The following ADGRB3 variants were observed in gnomAD, a reference collection of about 807,000 sequenced individuals.
ADGRB3 encodes the protein brain-specific angiogenesis inhibitor 3.
In ADGRB3, 37 loss-of-function variants were observed where a neutral mutation model predicts 193.4. The ratio of observed to expected loss-of-function variants is 0.19; its 90% CI spans 0.15 to 0.25. The LOEUF (loss-of-function observed/expected upper bound fraction) is 0.25. ADGRB3 is among the 10% of genes least tolerant of loss of function. The pLI, the probability that ADGRB3 is intolerant of heterozygous loss-of-function variation, is 1.00. For missense variants in ADGRB3, 1,637 were observed against 1,852.9 expected (o/e 0.88, Z 2.14); for synonymous variants, 690 against 644.2 (o/e 1.07, Z -1.08).
chr6:69,066,374 G>GA (rs899942685), intron 16 of ADGRB3, among the ~76,000 whole-genome samples: 82 of 143,770 alleles, frequency 5.7e-4, no homozygotes, highest in African/African-American at 1.4e-3. Flanking sequence ...AATGCCATGT[G>GA]AAAAAAAAAA....
intron 3 of ADGRB3, among the ~76,000 whole-genome samples, chr6:68,874,291 A>G (rs1249586048): frequency 3.9e-5 from 6 of 152,140 alleles, no homozygotes; most frequent in Non-Finnish European, 8.8e-5. Flanking sequence ...ATAACATGTT[A>G]TGACCTTATA....
intron 3 of ADGRB3, among the ~76,000 whole-genome samples, chr6:68,648,160 A>C (rs1252442490): frequency 6.6e-6 from 1 of 152,160 alleles, no homozygotes; most frequent in Non-Finnish European, 1.5e-5. Flanking sequence ...TGTGTATGGA[A>C]AATTCAATAA....
rs1582614335 is a variant in ADGRB3, at chr6:69,297,464, GTATCA to G, written c.2815-27407_2815-27403del. On this transcript the variant is annotated intron_variant, in intron 20 of 31. Coordinates refer to ENST00000370598, the MANE Select transcript of ADGRB3 (RefSeq NM_001704.3). ...GCCTTTTGATGTTAAGCTACTAAAA[GTATCA>G]CATTTCTATCATTGAGCTATGAGGG... 2.7e-5 allele frequency among the ~76,000 whole-genome samples: 4 copies of G among 145,702 alleles called. No homozygotes were observed. The East Asian group carries it at 8.2e-4, about 30-fold the overall frequency.
intron 3 of ADGRB3, among the ~76,000 whole-genome samples, chr6:68,688,263 G>T (rs1765016344): frequency 6.6e-6 from 1 of 152,168 alleles, no homozygotes; most frequent in African/African-American, 2.4e-5. Flanking sequence ...TTAGCATGCA[G>T]GTGACTTGGT....
intron 28 of ADGRB3, among the ~76,000 whole-genome samples, chr6:69,359,362 A>G (rs1769398826): frequency 6.6e-6 from 1 of 151,620 alleles, no homozygotes; most frequent in East Asian, 1.9e-4. Context: ...ACTTTTGGAA[A>G]TAACTTTTTA....
chr6:68,795,523 A>G (rs998815218), intron 3 of ADGRB3, among the ~76,000 whole-genome samples: 2 of 152,142 alleles, frequency 1.3e-5, no homozygotes, highest in African/African-American at 4.8e-5. Flanking sequence ...GTGTACAGTG[A>G]TAAAAATGCA....
At chr6:68,678,783 A>G (rs1355032073) in intron 3 of ADGRB3, among the ~76,000 whole-genome samples, 1 of 152,176 alleles carries the variant, frequency 6.6e-6, no homozygotes, top group East Asian at 1.9e-4. Context: ...TATTGTTATA[A>G]AAATAATAAC....
intron 17 of ADGRB3, among the ~76,000 whole-genome samples, chr6:69,191,704 C>CT (rs1481218697): frequency 6.6e-6 from 1 of 152,098 alleles, no homozygotes; most frequent in Non-Finnish European, 1.5e-5. Context: ...TGCTATATGC[C>CT]TGTCAGTTTT....
chr6:69,283,841 T>C (rs1767491248), intron 20 of ADGRB3, among the ~76,000 whole-genome samples: 1 of 152,190 alleles, frequency 6.6e-6, no homozygotes, highest in Non-Finnish European at 1.5e-5. Flanking sequence ...ACTGTGATGC[T>C]AACAGAACAA....
chr6:68,967,039 T>C (rs746371926), intron 8 of ADGRB3, among the ~76,000 whole-genome samples: 1 of 152,222 alleles, frequency 6.6e-6, no homozygotes, highest in Non-Finnish European at 1.5e-5. Context: ...TTAAAGCAGC[T>C]GTACCGTTTG....
At chr6:68,704,342 C>A (rs557109587) in intron 3 of ADGRB3, among the ~76,000 whole-genome samples, 5 of 152,282 alleles carry the variant, frequency 3.3e-5, no homozygotes, top group Non-Finnish European at 7.4e-5. Context: ...CTCAAGTGAG[C>A]TTTCAAGAGT....
At chr6:68,802,890 A>T (rs765666064) in intron 3 of ADGRB3, among the ~76,000 whole-genome samples, 1 of 152,174 alleles carries the variant, frequency 6.6e-6, no homozygotes, top group Non-Finnish European at 1.5e-5. Flanking sequence ...GTTATTAACA[A>T]CATTCTATTT....
intron 20 of ADGRB3, among the ~76,000 whole-genome samples, chr6:69,240,433 TAAAG>T (rs1561963258): frequency 6.6e-6 from 1 of 151,938 alleles, no homozygotes; most frequent in African/African-American, 2.4e-5. Flanking sequence ...CTTTTCTTCT[TAAAG>T]AAAGAATCCG....
intron 21 of ADGRB3, among the ~76,000 whole-genome samples, chr6:69,326,989 C>T (rs1001389184): frequency 6.6e-6 from 1 of 151,878 alleles, no homozygotes; most frequent in Admixed American, 6.6e-5. Context: ...AATGTGATGC[C>T]ACTAGAGAAG....
chr6:69,142,156 A>G (rs1774360151), intron 17 of ADGRB3, among the ~76,000 whole-genome samples: 1 of 152,192 alleles, frequency 6.6e-6, no homozygotes, highest in Non-Finnish European at 1.5e-5. Context: ...TATGTTCCAC[A>G]GGAAGATTTC....
chr6:68,785,960 G>C (rs899711850), intron 3 of ADGRB3, among the ~76,000 whole-genome samples: 2 of 152,046 alleles, frequency 1.3e-5, no homozygotes, highest in Non-Finnish European at 2.9e-5. Flanking sequence ...GTCTTCTTTT[G>C]AGAAGTGTCT....
intron 20 of ADGRB3, 78 bp from the exon 21 acceptor site, chr6:69,324,794 T>A: frequency 6.8e-7 from 1 of 1,466,898 alleles, no homozygotes; most frequent in African/African-American, 1.4e-5. Flanking sequence ...GAATCAGAGA[T>A]TAACAATCCC....
chr6:69,198,486 G>C (rs528619736), intron 17 of ADGRB3, among the ~76,000 whole-genome samples: 39 of 152,210 alleles, frequency 2.6e-4, no homozygotes, highest in African/African-American at 9.1e-4. Flanking sequence ...TTTGGATAAG[G>C]TGATGGGGAA....
intron 17 of ADGRB3, among the ~76,000 whole-genome samples, chr6:69,182,165 C>T (rs146300074): frequency 1.8e-4 from 27 of 152,038 alleles, no homozygotes; most frequent in Non-Finnish European, 2.6e-4. Context: ...TTATGACACA[C>T]GTATAAAACT....
Sources: gnomAD v4.1 joint callset for allele counts (sites outside exome capture counted in the v4.1 genomes callset) on GRCh38, gnomAD v4.1.1 for gene constraint, MANE v1.5 for transcripts, NCBI Gene and HGNC (gene_info 2026-07-23, HGNC 2026-07-21) for gene names.